Variants in TFDP1 observed in about 807,000 individuals in gnomAD.
The protein encoded by TFDP1 is transcription factor Dp-1, also known as DRTF1-polypeptide 1.
In TFDP1, 6 loss-of-function variants were observed where a neutral mutation model predicts 48.0. The observed-to-expected ratio is 0.13, with a 90% CI of 0.07 to 0.25. The LOEUF is 0.25. TFDP1 is among the 10% of genes least tolerant of loss of function. The pLI is 1.00. For missense variants in TFDP1, 335 were observed against 543.0 expected (o/e 0.62, Z 3.81); for synonymous variants, 201 against 211.6 (o/e 0.95, Z 0.44).
intron 4 of TFDP1, among the ~76,000 whole-genome samples, chr13:113,630,533 G>GC (rs1171454326): frequency 3.9e-5 from 6 of 152,018 alleles, no homozygotes; most frequent in South Asian, 2.1e-4. Context: ...GCCACATGAA[G>GC]CCCCCCCGCC....
intron 3 of TFDP1, among the ~76,000 whole-genome samples, chr13:113,613,812 CGT>C (rs1392879053): frequency 6.6e-6 from 1 of 150,552 alleles, no homozygotes; most frequent in Middle Eastern, 3.5e-3. Context: ...AGTGTCTGTG[CGT>C]GTCTGTTCAT....
Position 113,607,239 on chromosome 13 carries a change from T to C in TFDP1, c.13-3757T>C, listed in dbSNP as rs1005379372. Among the ~76,000 whole-genome samples, 7 of 152,178 alleles carry C rather than the reference T, an allele frequency of 4.6e-5. No homozygotes were observed. Among genetic ancestry groups the C allele is most frequent in the Admixed American group, 3.9e-4 (6 of 15,292 alleles). On this transcript the variant is annotated intron_variant, in intron 2 of 11. Transcript: ENST00000375370. The surrounding 1 kb of genome is among the most constrained non-coding windows in gnomAD (Gnocchi z 5.2). Reference sequence around the variant, plus strand: ...GCAGGGCGTCATTCATCCCCCTGCCTCCTGAGCCCAGAGCTTCTCCAGGAG... The same window carrying C: ...GCAGGGCGTCATTCATCCCCCTGCCCCCTGAGCCCAGAGCTTCTCCAGGAG...
rs1287979001 is a variant in TFDP1 at position 113,585,821 on chromosome 13, T to A, written c.-17T>A. 1 of 1,596,604 alleles carries A rather than the reference T, an allele frequency of 6.3e-7. No homozygotes were observed. The highest frequency in any genetic ancestry group is 8.6e-7 in the Non-Finnish European group (1 of 1,166,100). On this transcript the variant is annotated 5_prime_UTR_variant, in exon 2 of 12. Coordinates refer to ENST00000375370, the MANE Select transcript of TFDP1 (RefSeq NM_007111.5). ...GAAGGTGAACATTTGTAGCATTGAT[T>A]TCCCGGATCTGGTAACATGGCAAAA...
At chr13:113,589,071 G>A (rs2048077870) in intron 2 of TFDP1, among the ~76,000 whole-genome samples, 1 of 152,072 alleles carries the variant, frequency 6.6e-6, no homozygotes, top group African/African-American at 2.4e-5. Flanking sequence ...GGGTGATGTA[G>A]GGTCACAGAA....
chr13:113,611,348 G>A (rs762257300), intron 3 of TFDP1, among the ~76,000 whole-genome samples: 1 of 152,238 alleles, frequency 6.6e-6, no homozygotes, highest in Non-Finnish European at 1.5e-5. Context: ...AAGATAGTTT[G>A]TTTTCTCTCC....
chr13:113,599,944 CTG>C (rs1355989758), intron 2 of TFDP1, among the ~76,000 whole-genome samples: 1 of 150,888 alleles, frequency 6.6e-6, no homozygotes, highest in East Asian at 2.0e-4. Flanking sequence ...GAACCCAGGA[CTG>C]TGATAAAGAA....
intron 2 of TFDP1, among the ~76,000 whole-genome samples, chr13:113,593,736 T>C (rs1479870796): frequency 0.018 from 1,166 of 66,576 alleles, no homozygotes; most frequent in Middle Eastern, 0.048. Flanking sequence ...GCCCAGGTGA[T>C]AGGTGTGGTG....
At chr13:113,632,651 G>T (rs185554229) in intron 5 of TFDP1, among the ~76,000 whole-genome samples, 7 of 152,302 alleles carry the variant, frequency 4.6e-5, no homozygotes, top group African/African-American at 1.7e-4. Flanking sequence ...GGTGGCACGT[G>T]CCTGTAATCC....
At chr13:113,612,412 G>A (rs940763472) in intron 3 of TFDP1, among the ~76,000 whole-genome samples, 2 of 152,218 alleles carry the variant, frequency 1.3e-5, no homozygotes, top group Non-Finnish European at 2.9e-5. Flanking sequence ...GCTTTTCTAG[G>A]AATAGGGACC....
At position 113,627,486 on chromosome 13, in the gene TFDP1, C is replaced by T. The variant is rs1023258012; in HGVS notation, c.187-4137C>T. On this transcript the variant is annotated intron_variant, in intron 4 of 11. Transcript: ENST00000375370. This position sits in a 1 kb window ranked among gnomAD's most constrained non-coding sequence, Gnocchi z 4.1. ...CCACTGGCCCTGTCTCTCTGGACACCGCGGTTAACCTTGGTCCATCTCTAG... is the reference window on the plus strand; with the variant it reads ...CCACTGGCCCTGTCTCTCTGGACACTGCGGTTAACCTTGGTCCATCTCTAG... Among the ~76,000 whole-genome samples the T allele has an allele frequency of 3.2e-4, 49 of 152,164 alleles. No individual in the cohort carries two copies. The highest frequency in any genetic ancestry group is 2.4e-3 in the Admixed American group (37 of 15,270).
In TFDP1 at chr13:113,598,201, C is replaced by T. The variant is rs770722911; in HGVS notation, c.12+12352C>T. On this transcript the variant is annotated intron_variant, in intron 2 of 11. Coordinates refer to ENST00000375370, the MANE Select transcript of TFDP1 (RefSeq NM_007111.5). The surrounding 1 kb of genome is among the most constrained non-coding windows in gnomAD (Gnocchi z 4.2). ...AAAACCGTGCCTGCCAGGTTCATAC[C>T]ACACAACCCGGTGCAGCCCACCCCA... 2.3e-4 allele frequency among the ~76,000 whole-genome samples: 35 copies of T among 152,126 alleles called. No homozygotes were observed. Among genetic ancestry groups the T allele is most frequent in the Admixed American group, 6.5e-5 (1 of 15,270 alleles).
chr13:113,636,753 C>T (rs2049501050), intron 10 of TFDP1, 53 bp downstream of exon 10: 4 of 1,578,058 alleles, frequency 2.5e-6, no homozygotes, highest in East Asian at 4.6e-5. Flanking sequence ...GGCCCCCAGC[C>T]TCCGACGGTG....
At chr13:113,596,040 C>A (rs1249798741) in intron 2 of TFDP1, among the ~76,000 whole-genome samples, 4 of 152,310 alleles carry the variant, frequency 2.6e-5, no homozygotes, top group African/African-American at 9.6e-5. Context: ...CAAGATGGCG[C>A]CGCTGCACTC....
Position 113,633,060 on chromosome 13 carries a change from G to C in TFDP1, c.309-60G>C, listed in dbSNP as rs552154512. 35 of 1,601,658 alleles carry C rather than the reference G, an allele frequency of 2.2e-5. No homozygotes were observed. The African/African-American group carries it at 4.3e-4, about 20-fold the overall frequency. ...GAGCTCTCAGGTAAAAGCATTCCTCGATTCAGGCTGATCCTCAGGAGGGCT... is the reference window on the plus strand; with the variant it reads ...GAGCTCTCAGGTAAAAGCATTCCTCCATTCAGGCTGATCCTCAGGAGGGCT... On this transcript the variant is annotated intron_variant, in intron 5 of 11. Transcript: ENST00000375370. The surrounding 1 kb of genome is among the most constrained non-coding windows in gnomAD (Gnocchi z 4.5).
chr13:113,617,417 C>T (rs2048884510), intron 3 of TFDP1, among the ~76,000 whole-genome samples: 3 of 152,318 alleles, frequency 2.0e-5, no homozygotes, highest in Non-Finnish European at 2.9e-5. Context: ...GTCACAGAGG[C>T]ACTCACATGC....
intron 2 of TFDP1, among the ~76,000 whole-genome samples, chr13:113,597,625 G>A (rs1178430593): frequency 1.3e-5 from 2 of 152,252 alleles, no homozygotes; most frequent in East Asian, 3.8e-4. Context: ...GAGGGCGTCA[G>A]CTGCTTGCCA....
At chr13:113,585,151 TGGGGCCGGGGCC>T (rs555965067) in intron 1 of TFDP1, 5 of 143,206 alleles carry the variant, frequency 3.5e-5, no homozygotes, top group South Asian at 2.1e-4. Flanking sequence ...ACGCTGGAGG[TGGGGCCGGGGCC>T]GGGGCCGGGG....
chr13:113,626,038 G>A (rs1228653075), intron 4 of TFDP1, among the ~76,000 whole-genome samples: 23 of 145,376 alleles, frequency 1.6e-4, no homozygotes, highest in East Asian at 6.3e-4. Context: ...TGTCTCTCAC[G>A]CGTCCTCAGG....
chr13:113,608,904 C>T (rs2048636423), intron 2 of TFDP1, among the ~76,000 whole-genome samples: 1 of 152,230 alleles, frequency 6.6e-6, no homozygotes, highest in Non-Finnish European at 1.5e-5. Context: ...CCCTTTCTCT[C>T]CCAGGCTTAA....
Sources: allele counts gnomAD v4.1 joint callset (sites outside exome capture counted in the v4.1 genomes callset), GRCh38; gene constraint gnomAD v4.1.1; non-coding constraint Gnocchi (gnomAD v3.1); transcripts MANE v1.5; gene names NCBI Gene and HGNC (gene_info 2026-07-23, HGNC 2026-07-21).